Variants in BTBD8 observed in about 807,000 individuals in gnomAD.
The protein encoded by BTBD8 is BTB domain containing 8.
Under a neutral mutation model 162.9 loss-of-function variants are expected in BTBD8, and 110 were observed. The ratio of observed to expected loss-of-function variants is 0.68; its 90% CI spans 0.58 to 0.79. BTBD8 has a LOEUF of 0.79. Ranked by LOEUF, BTBD8 falls within the 30% of genes least tolerant of loss-of-function variation. BTBD8 has a pLI of 0.00. For synonymous variants in BTBD8, 667 were observed against 716.1 expected (o/e 0.93, Z 1.10); for missense variants, 1,905 against 2,085.4 (o/e 0.91, Z 1.68).
At chr1:92,119,727 C>G (rs1350324760) in intron 4 of BTBD8, among the ~76,000 whole-genome samples, 2 of 145,862 alleles carry the variant, frequency 1.4e-5, no homozygotes, top group Non-Finnish European at 3.0e-5. Flanking sequence ...TCCGGGTTCA[C>G]GCCGTTCTCC....
rs538552066 is a variant in BTBD8 at position 92,166,550 on chromosome 1, G to A, written c.1123-408G>A. On this transcript the variant is annotated intron_variant, in intron 9 of 17. Coordinates refer to ENST00000636805, the MANE Select transcript of BTBD8 (RefSeq NM_001376131.1). ...AGCAACTCTCCTCCCTCAGCCTCCC[G>A]AGTAGCTGAGATTACAGGCATGCAC... Among the ~76,000 whole-genome samples the A allele has an allele frequency of 5.4e-5, 8 of 147,974 alleles. No homozygotes were observed. In the South Asian group the frequency reaches 6.5e-4, roughly 12 times the overall value.
chr1:92,092,172 A>G (rs141789562), intron 2 of BTBD8, among the ~76,000 whole-genome samples: 1 of 152,050 alleles, frequency 6.6e-6, no homozygotes, highest in Non-Finnish European at 1.5e-5. Context: ...GGGCTGAGGC[A>G]GGTGGATCGC....
chr1:92,132,728 T>A (rs1036919107), intron 5 of BTBD8, among the ~76,000 whole-genome samples: 1 of 152,232 alleles, frequency 6.6e-6, no homozygotes, highest in African/African-American at 2.4e-5. Flanking sequence ...AGGCTTTGCT[T>A]CTCACTGGTT....
In BTBD8 at chr1:92,180,963, G is replaced by A; in HGVS notation, c.3280G>A (p.Val1094Ile). 1 of 1,551,658 alleles carries A rather than the reference G, an allele frequency of 6.4e-7. No homozygotes were observed. The highest frequency in any genetic ancestry group is 1.2e-5 in the South Asian group (1 of 84,056). Residue 1094 changes from valine (V) to isoleucine (I), a missense_variant, in exon 17 of 18, where the codon GTT (valine) becomes ATT (isoleucine). Transcript: ENST00000636805. ...TAGCACCACAGCCCTAAAATACATGGTTTCAAATCCAAATGAAAACTCCTT... is the reference window on the plus strand; with the variant it reads ...TAGCACCACAGCCCTAAAATACATGATTTCAAATCCAAATGAAAACTCCTT... ...FYSTTALKYMVSNPNENSLNS... is the reference protein window; with the variant it reads ...FYSTTALKYMISNPNENSLNS...
At chr1:92,086,330 C>T (rs990096276) in intron 1 of BTBD8, among the ~76,000 whole-genome samples, 4 of 152,114 alleles carry the variant, frequency 2.6e-5, no homozygotes, top group African/African-American at 7.2e-5. Context: ...GACCCTGGAC[C>T]GCAGACATGT....
At chr1:92,147,471 G>GA (rs1649951138) in intron 8 of BTBD8, among the ~76,000 whole-genome samples, 2 of 152,068 alleles carry the variant, frequency 1.3e-5, no homozygotes, top group African/African-American at 4.8e-5. Flanking sequence ...TATCTTAGCT[G>GA]AACCATGGTT....
At chr1:92,145,692 C>T (rs543059787) in intron 7 of BTBD8, among the ~76,000 whole-genome samples, 2 of 151,984 alleles carry the variant, frequency 1.3e-5, no homozygotes, top group Non-Finnish European at 2.9e-5. Flanking sequence ...TAAAAAATAC[C>T]TTACGTAGGC....
chr1:92,084,425 C>T (rs1212314413), intron 1 of BTBD8, among the ~76,000 whole-genome samples: 1 of 152,150 alleles, frequency 6.6e-6, no homozygotes, highest in African/African-American at 2.4e-5. Context: ...CGTTCCTTGT[C>T]TGTGAGGAAC....
intron 9 of BTBD8, among the ~76,000 whole-genome samples, chr1:92,155,531 C>T (rs917284401): frequency 2.6e-5 from 4 of 152,176 alleles, no homozygotes; most frequent in African/African-American, 9.7e-5. Flanking sequence ...CTTTGAACTC[C>T]TGGTCTCAAG....
At chr1:92,089,046 G>T in intron 2 of BTBD8, 151 bp downstream of exon 2, 1 of 728,288 alleles carries the variant, frequency 1.4e-6, no homozygotes. Flanking sequence ...AATTAGTGTT[G>T]ACAGAGGCTA....
At chr1:92,130,367 T>C (rs1205284873) in intron 5 of BTBD8, among the ~76,000 whole-genome samples, 2 of 152,078 alleles carry the variant, frequency 1.3e-5, no homozygotes, top group Admixed American at 6.6e-5. Flanking sequence ...ATTTTTCTTT[T>C]ATTTTTATTT....
intron 9 of BTBD8, among the ~76,000 whole-genome samples, chr1:92,166,259 A>C (rs1373530587): frequency 6.6e-6 from 1 of 152,178 alleles, no homozygotes; most frequent in Non-Finnish European, 1.5e-5. Flanking sequence ...CATATTTTGT[A>C]GTCAGAAAAG....
At chr1:92,127,878 C>G (rs575492482) in intron 4 of BTBD8, among the ~76,000 whole-genome samples, 4 of 151,946 alleles carry the variant, frequency 2.6e-5, no homozygotes, top group African/African-American at 9.6e-5. Context: ...TTTACTTTAG[C>G]CTTTGTTCCT....
In BTBD8 at chr1:92,159,420, T is replaced by G. The variant is rs149039593; in HGVS notation, c.1123-7538T>G. ...TCGAACTCCTGAGCTCAAGTGATCT[T>G]CCCACCTTAGCCTCCCAAAGTGCCT... On this transcript the variant is annotated intron_variant, in intron 9 of 17. Transcript: ENST00000636805. 1.8e-3 allele frequency among the ~76,000 whole-genome samples: 268 copies of G among 152,082 alleles called. 3 individuals carry two copies. The highest frequency in any genetic ancestry group is 5.9e-3 in the African/African-American group (245 of 41,520).
At chr1:92,136,163 A>G (rs2101936079) in intron 5 of BTBD8, among the ~76,000 whole-genome samples, 1 of 152,248 alleles carries the variant, frequency 6.6e-6, no homozygotes, top group South Asian at 2.1e-4. Context: ...GTGTTTCTGT[A>G]TTTTCAATTT....
chr1:92,102,985 TAGC>T (rs1366019914), intron 3 of BTBD8, among the ~76,000 whole-genome samples: 1 of 152,210 alleles, frequency 6.6e-6, no homozygotes, highest in Non-Finnish European at 1.5e-5. Context: ...ACAAAAATGG[TAGC>T]CTAGTTTTAT....
intron 13 of BTBD8, among the ~76,000 whole-genome samples, chr1:92,172,458 GA>G (rs1650576487): frequency 6.6e-6 from 1 of 152,112 alleles, no homozygotes; most frequent in Admixed American, 6.5e-5. Context: ...GTTTGTTTTT[GA>G]CCACCCACAA....
At chr1:92,169,106 A>G in intron 12 of BTBD8, 111 bp downstream of exon 12, 4 of 1,031,536 alleles carry the variant, frequency 3.9e-6, no homozygotes, top group Non-Finnish European at 5.4e-6. Flanking sequence ...CTTCTGTTGG[A>G]TAATAGGATA....
At chr1:92,101,640 T>C (rs1648594722) in intron 2 of BTBD8, among the ~76,000 whole-genome samples, 1 of 152,228 alleles carries the variant, frequency 6.6e-6, no homozygotes, top group South Asian at 2.1e-4. Context: ...TATATTACTT[T>C]TTAACATTTA....
Sources: gnomAD v4.1 joint callset for allele counts (sites outside exome capture counted in the v4.1 genomes callset) on GRCh38, gnomAD v4.1.1 for gene constraint, MANE v1.5 for transcripts, NCBI Gene and HGNC (gene_info 2026-07-23, HGNC 2026-07-21) for gene names.